The following CADPS2 variants were observed in gnomAD, a reference collection of about 807,000 sequenced individuals.
CADPS2 encodes calcium-dependent secretion activator 2.
CADPS2 carries 93 observed loss-of-function variants against 172.5 expected under a neutral mutation model. The observed-to-expected ratio is 0.54, with a 90% confidence interval of 0.46 to 0.64. CADPS2 has a LOEUF of 0.64. Ranked by LOEUF, CADPS2 falls within the 30% of genes least tolerant of loss-of-function variation. CADPS2 has a pLI of 0.00. For missense variants in CADPS2, 1,420 were observed against 1,565.9 expected (o/e 0.91, Z 1.57); for synonymous variants, 546 against 555.2 (o/e 0.98, Z 0.23).
intron 18 of CADPS2, among the ~76,000 whole-genome samples, chr7:122,414,501 A>G (rs182503668): frequency 1.3e-5 from 2 of 152,310 alleles, no homozygotes; most frequent in Admixed American, 6.5e-5. Flanking sequence ...ACATACATAT[A>G]TTTTATCACA....
At chr7:122,574,670 G>T (rs1587475895) in intron 7 of CADPS2, among the ~76,000 whole-genome samples, 1 of 151,538 alleles carries the variant, frequency 6.6e-6, no homozygotes, top group African/African-American at 2.4e-5. Context: ...GTGCTGTGGG[G>T]GAAATTTTTA....
intron 28 of CADPS2, among the ~76,000 whole-genome samples, chr7:122,340,790 G>C (rs2036650763): frequency 6.6e-6 from 1 of 151,226 alleles, no homozygotes; most frequent in Non-Finnish European, 1.5e-5. Context: ...ATTGGGATCA[G>C]GTTGAAGATG....
chr7:122,676,807 T>C, intron 2 of CADPS2: 1 of 810,476 alleles, frequency 1.2e-6, no homozygotes, highest in Non-Finnish European at 2.0e-6. Context: ...GGGACAAGAT[T>C]CCGAACTCAC....
At chr7:122,774,269 TACACACACACACACACACACACACACAC>T (rs56843003) in intron 1 of CADPS2, among the ~76,000 whole-genome samples, 1 of 142,966 alleles carries the variant, frequency 7.0e-6, no homozygotes, top group Admixed American at 7.0e-5. Flanking sequence ...TAGATAGATA[TACACACACACACACACACACACACACAC>T]ACACACACAC....
chr7:122,836,820 A>T (rs550585726), intron 1 of CADPS2, among the ~76,000 whole-genome samples: 13 of 152,286 alleles, frequency 8.5e-5, no homozygotes, highest in African/African-American at 3.1e-4. Context: ...CTCTCACACA[A>T]TAATAATGGG....
At position 122,592,393 on chromosome 7, in the gene CADPS2, C is replaced by A. The variant is rs1293306475; in HGVS notation, c.1224-11103G>T. Among the ~76,000 whole-genome samples, 6 of 151,818 alleles carry A rather than the reference C, an allele frequency of 4.0e-5. 1 individual carries two copies. Among genetic ancestry groups the A allele is most frequent in the Admixed American group, 2.0e-4 (3 of 15,240 alleles). ...GAATGCTTTTACACTGTTGGTGGGA[C>A]TGTAAACTAGTTCAACCATTGTGGA... On this transcript the variant is annotated intron_variant, in intron 6 of 29. Coordinates refer to ENST00000449022, the MANE Select transcript of CADPS2 (RefSeq NM_017954.11).
chr7:122,638,772 T>C (rs1021043563), intron 3 of CADPS2, among the ~76,000 whole-genome samples: 23 of 152,248 alleles, frequency 1.5e-4, no homozygotes, highest in Admixed American at 2.6e-4. Flanking sequence ...GAGCTTCTCC[T>C]GTCTTCATGC....
Position 122,802,848 on chromosome 7 carries a change from A to T in CADPS2, c.340-65780T>A, listed in dbSNP as rs538335192. Among the ~76,000 whole-genome samples, 6 of 152,340 alleles carry T rather than the reference A, an allele frequency of 3.9e-5. No homozygotes were observed. In the East Asian group the frequency reaches 7.7e-4, roughly 20 times the overall value. On this transcript the variant is annotated intron_variant, in intron 1 of 29. Transcript: ENST00000449022. Reference sequence around the variant, plus strand: ...TGATGTTGCTGAAGAACAATTAGGGACAGGAATTAAAGCAAATGGAACGTA... The same window carrying T: ...TGATGTTGCTGAAGAACAATTAGGGTCAGGAATTAAAGCAAATGGAACGTA...
intron 1 of CADPS2, among the ~76,000 whole-genome samples, chr7:122,783,741 G>A (rs1000502485): frequency 6.7e-4 from 102 of 152,128 alleles, no homozygotes; most frequent in African/African-American, 2.4e-3. Context: ...TGGACTTTCC[G>A]AGTAAAAACC....
At chr7:122,534,991 A>C (rs568032349) in intron 8 of CADPS2, among the ~76,000 whole-genome samples, 53 of 152,100 alleles carry the variant, frequency 3.5e-4, no homozygotes, top group Non-Finnish European at 6.0e-4. Flanking sequence ...ATGTGCTTTG[A>C]AAGCTGAGCA....
At chr7:122,687,700 G>A (rs2083818059) in intron 2 of CADPS2, among the ~76,000 whole-genome samples, 1 of 152,126 alleles carries the variant, frequency 6.6e-6, no homozygotes, top group Admixed American at 6.6e-5. Context: ...ACACTTGCCA[G>A]CTTTACTCAG....
At chr7:122,533,309 T>C (rs2061944414) in intron 8 of CADPS2, among the ~76,000 whole-genome samples, 1 of 152,156 alleles carries the variant, frequency 6.6e-6, no homozygotes, top group South Asian at 2.1e-4. Flanking sequence ...GACAAATCTC[T>C]TTAACAATTA....
chr7:122,835,801 G>T (rs1808209707), intron 1 of CADPS2, among the ~76,000 whole-genome samples: 1 of 152,202 alleles, frequency 6.6e-6, no homozygotes, highest in Non-Finnish European at 1.5e-5. Flanking sequence ...ACCTATGTCT[G>T]ATTGGTGCAC....
intron 25 of CADPS2, among the ~76,000 whole-genome samples, chr7:122,377,023 A>G (rs186492190): frequency 9.7e-4 from 147 of 152,310 alleles, no homozygotes; most frequent in African/African-American, 3.2e-3. Context: ...CTTATTTTAT[A>G]CTTTTCAACC....
chr7:122,456,255 T>G (rs971728329), intron 14 of CADPS2, among the ~76,000 whole-genome samples: 4 of 152,038 alleles, frequency 2.6e-5, no homozygotes, highest in African/African-American at 7.2e-5. Context: ...TTGATAAAGA[T>G]TCTGTTAAAA....
In CADPS2 at chr7:122,504,097, C is replaced by T. The variant is rs181253391; in HGVS notation, c.1542+9152G>A. 2.0e-3 allele frequency among the ~76,000 whole-genome samples: 309 copies of T among 152,298 alleles called. 1 individual carries two copies. The highest frequency in any genetic ancestry group is 6.4e-3 in the African/African-American group (268 of 41,564). On this transcript the variant is annotated intron_variant, in intron 9 of 29. Transcript: ENST00000449022. Reference sequence around the variant, plus strand: ...CACTTTCATTTTCTCCCCTCAATTACTTACTTATCCTTATTCTTTCATACT... The same window carrying T: ...CACTTTCATTTTCTCCCCTCAATTATTTACTTATCCTTATTCTTTCATACT...
intron 2 of CADPS2, among the ~76,000 whole-genome samples, chr7:122,695,451 T>C (rs2084947870): frequency 6.6e-6 from 1 of 152,220 alleles, no homozygotes; most frequent in South Asian, 2.1e-4. Context: ...ATAGTAGTGC[T>C]ATTTCCAAGT....
intron 1 of CADPS2, among the ~76,000 whole-genome samples, chr7:122,793,662 C>T (rs1349749377): frequency 2.6e-5 from 4 of 152,122 alleles, no homozygotes; most frequent in Non-Finnish European, 5.9e-5. Flanking sequence ...GAATTTGATC[C>T]TATCCTCATG....
intron 17 of CADPS2, chr7:122,424,398 A>T (rs575185572): frequency 1.7e-4 from 145 of 877,262 alleles, no homozygotes; most frequent in Non-Finnish European, 1.9e-4. Context: ...AGAATTGGCC[A>T]CTAGAGTATA....
Sources: allele counts gnomAD v4.1 joint callset (sites outside exome capture counted in the v4.1 genomes callset), GRCh38; gene constraint gnomAD v4.1.1; transcripts MANE v1.5; gene names NCBI Gene and HGNC (gene_info 2026-07-23, HGNC 2026-07-21).